The following CTTNBP2 variants were observed in gnomAD, a reference collection of about 807,000 sequenced individuals.
CTTNBP2 encodes cortactin binding protein 2, also known as cortactin-binding protein 2.
A neutral mutation model predicts 156.9 loss-of-function variants in CTTNBP2; 108 were observed. The observed-to-expected ratio is 0.69, with a 90% CI of 0.59 to 0.81. The LOEUF (loss-of-function observed/expected upper bound fraction) is 0.81, where lower values mean the gene tolerates loss of function less well. Ranked by LOEUF, CTTNBP2 falls within the 30% of genes least tolerant of loss-of-function variation. The pLI, the probability that CTTNBP2 is intolerant of heterozygous loss-of-function variation, is 0.00. For missense variants in CTTNBP2, 1,924 were observed against 2,035.4 expected (o/e 0.95, Z 1.05); for synonymous variants, 767 against 751.8 (o/e 1.02, Z -0.33).
chr7:117,797,131 T>TG (rs1420689068), intron 3 of CTTNBP2, among the ~76,000 whole-genome samples: 1 of 152,114 alleles, frequency 6.6e-6, no homozygotes, highest in Non-Finnish European at 1.5e-5. Flanking sequence ...ACTGGTGATA[T>TG]GGGCTTGAGG....
intron 3 of CTTNBP2, among the ~76,000 whole-genome samples, chr7:117,805,254 T>G (rs544459494): frequency 6.6e-6 from 1 of 152,228 alleles, no homozygotes; most frequent in East Asian, 1.9e-4. Context: ...CTTGAGGGAA[T>G]GACATAAAAA....
At chr7:117,781,307 C>T (rs1204386856) in intron 6 of CTTNBP2, among the ~76,000 whole-genome samples, 1 of 152,198 alleles carries the variant, frequency 6.6e-6, no homozygotes, top group Non-Finnish European at 1.5e-5. Flanking sequence ...AAATCATAAT[C>T]AAAGTAAGAA....
intron 16 of CTTNBP2, among the ~76,000 whole-genome samples, chr7:117,730,964 A>G (rs1024120758): frequency 2.0e-5 from 3 of 152,234 alleles, no homozygotes; most frequent in African/African-American, 7.2e-5. Context: ...TTCATATATT[A>G]GAATAGCTTC....
At chr7:117,841,625 ATAGT>A (rs1267516886) in intron 2 of CTTNBP2, among the ~76,000 whole-genome samples, 1 of 152,192 alleles carries the variant, frequency 6.6e-6, no homozygotes, top group Non-Finnish European at 1.5e-5. Context: ...CTCTCCAAAG[ATAGT>A]TAGTCTCAGA....
chr7:117,768,586 AAAG>A, intron 8 of CTTNBP2, among the ~76,000 whole-genome samples: 2 of 140,406 alleles, frequency 1.4e-5, no homozygotes, highest in African/African-American at 5.5e-5. Context: ...AAAAAAAAAG[AAAG>A]AAAGAAAGAA....
chr7:117,735,643 A>G (rs554953263), intron 14 of CTTNBP2, among the ~76,000 whole-genome samples: 1 of 152,386 alleles, frequency 6.6e-6, no homozygotes, highest in South Asian at 2.1e-4. Flanking sequence ...TTCTATAACA[A>G]GTCTCAAATG....
intron 2 of CTTNBP2, among the ~76,000 whole-genome samples, chr7:117,827,443 T>C (rs1294776524): frequency 6.6e-6 from 1 of 152,240 alleles, no homozygotes; most frequent in Non-Finnish European, 1.5e-5. Flanking sequence ...ATCATGTGTG[T>C]TTGTGTTTAA....
At chr7:117,859,778 C>T (rs1803586969) in intron 2 of CTTNBP2, among the ~76,000 whole-genome samples, 1 of 152,222 alleles carries the variant, frequency 6.6e-6, no homozygotes, top group Admixed American at 6.5e-5. Flanking sequence ...AAAGGCAACA[C>T]CTTCAACTCA....
At chr7:117,809,993 A>G (rs1038193351) in intron 3 of CTTNBP2, among the ~76,000 whole-genome samples, 37 of 152,360 alleles carry the variant, frequency 2.4e-4, no homozygotes, top group African/African-American at 8.7e-4. Flanking sequence ...TCTTGGCAGC[A>G]TATTAGAAGG....
rs143875151 is a variant in CTTNBP2, at chr7:117,791,470, C to T, written c.1726G>A (p.Gly576Arg). 46 of 1,614,060 alleles carry T rather than the reference C, an allele frequency of 2.8e-5. No homozygotes were observed. The African/African-American group carries it at 5.2e-4, about 18-fold the overall frequency. The change falls in exon 4 of 23, where the codon GGG (glycine) becomes AGG (arginine). Residue 576 changes from glycine to arginine, a missense_variant. Gly to Arg is a moderately radical substitution (Grantham distance 125). Coordinates refer to ENST00000160373, the MANE Select transcript of CTTNBP2 (RefSeq NM_033427.3). ...ACAGTTTTGTTATCAACTTTGGCCC[C>T]TGTGTTCGAGGCCCTGCTGCTGTCT... Reference protein sequence around the residue: ...IIDSSRASNTGAKVDNKTVAS... With the variant: ...IIDSSRASNTRAKVDNKTVAS...
intron 14 of CTTNBP2, among the ~76,000 whole-genome samples, chr7:117,743,456 T>C (rs1484878602): frequency 6.6e-6 from 1 of 152,076 alleles, no homozygotes; most frequent in Non-Finnish European, 1.5e-5. Context: ...TGCTGTGGGA[T>C]CTTTGAGTAG....
chr7:117,870,229 T>A (rs1057379092), intron 1 of CTTNBP2, among the ~76,000 whole-genome samples: 8 of 152,246 alleles, frequency 5.3e-5, no homozygotes, highest in African/African-American at 1.9e-4. Flanking sequence ...AAGATCATAC[T>A]CATGATGCCT....
At position 117,791,158 on chromosome 7, in the gene CTTNBP2, C is replaced by T; in HGVS notation, c.2038G>A (p.Ala680Thr). The T allele has an allele frequency of 1.9e-6, 3 of 1,614,066 alleles. No homozygotes were observed. The highest frequency in any genetic ancestry group is 1.7e-6 in the Non-Finnish European group (2 of 1,179,978). Residue 680 changes from alanine (A) to threonine (T), a missense_variant, in exon 4 of 23, where the codon GCC (alanine) becomes ACC (threonine). Physicochemically the swap from Ala to Thr is moderately conservative, Grantham distance 58. Transcript: ENST00000160373. The stretch of plus-strand genomic sequence containing the variant: ...GCTGTTACCAGGAGGCTGTCTGAGG[C>T]ACCTGGTCTACAGGATGAGGCACTA... ...PVSASSCRPGASDSLLVTASG... is the reference protein window; with the variant it reads ...PVSASSCRPGTSDSLLVTASG...
In CTTNBP2 at chr7:117,710,805, C is replaced by A. The variant is rs1330101070; in HGVS notation, c.*732G>T. On this transcript the variant is annotated 3_prime_UTR_variant, in exon 23 of 23. Transcript: ENST00000160373. The stretch of plus-strand genomic sequence containing the variant: ...TGAAGGAGTTAATTCTGAATTTATT[C>A]ATTTATGCAGTTATCTATATCCACT... 1 of 152,468 alleles carries A rather than the reference C, an allele frequency of 6.6e-6. No homozygotes were observed. The highest frequency in any genetic ancestry group is 1.5e-5 in the Non-Finnish European group (1 of 67,970). 9.4% of individuals were successfully genotyped at this position (152,468 alleles called of 1,614,324 possible).
At position 117,734,904 on chromosome 7, in the gene CTTNBP2, G is replaced by C; in HGVS notation, c.3876+9C>G. ...CTCCTGGCAACAGGCTGCACTTGCT[G>C]TTTGTTACCTTATTCACAACTTTCC... On this transcript the variant is annotated intron_variant, in intron 16 of 22. Coordinates refer to ENST00000160373, the MANE Select transcript of CTTNBP2 (RefSeq NM_033427.3). 1 of 1,578,930 alleles carries C rather than the reference G, an allele frequency of 6.3e-7. No individual in the cohort carries two copies. Among genetic ancestry groups the C allele is most frequent in the African/African-American group, 1.4e-5 (1 of 74,052 alleles).
At chr7:117,806,016 T>C (rs751842520) in intron 3 of CTTNBP2, among the ~76,000 whole-genome samples, 48 of 152,194 alleles carry the variant, frequency 3.2e-4, no homozygotes, top group Admixed American at 1.4e-3. Context: ...ACAGTATACA[T>C]AAATTATGGA....
At chr7:117,819,383 A>T (rs573393803) in intron 2 of CTTNBP2, among the ~76,000 whole-genome samples, 3,003 of 144,748 alleles carry the variant, frequency 0.021, 151 homozygotes, top group African/African-American at 0.075. Flanking sequence ...ACACACACAC[A>T]CACACACACA....
In CTTNBP2 at chr7:117,717,362, T is replaced by C. The variant is rs1278881823; in HGVS notation, c.4746+656A>G. Among the ~76,000 whole-genome samples, 3 of 151,788 alleles carry C rather than the reference T, an allele frequency of 2.0e-5. No individual in the cohort carries two copies. The East Asian group carries it at 6.1e-4, about 31-fold the overall frequency. On this transcript the variant is annotated intron_variant, in intron 22 of 22. Coordinates refer to ENST00000160373, the MANE Select transcript of CTTNBP2 (RefSeq NM_033427.3). ...ATGTATAAGACCTTTATGTTATCACTCAGTGCTTTGTTTTGTTATAATTAA... is the reference window on the plus strand; with the variant it reads ...ATGTATAAGACCTTTATGTTATCACCCAGTGCTTTGTTTTGTTATAATTAA...
chr7:117,736,772 G>A (rs779309369), intron 14 of CTTNBP2, among the ~76,000 whole-genome samples: 1 of 152,054 alleles, frequency 6.6e-6, no homozygotes, highest in African/African-American at 2.4e-5. Flanking sequence ...ATTCTATATG[G>A]CACTTCCCAT....
Sources: allele counts gnomAD v4.1 joint callset (sites outside exome capture counted in the v4.1 genomes callset), GRCh38; gene constraint gnomAD v4.1.1; transcripts MANE v1.5; gene names NCBI Gene and HGNC (gene_info 2026-07-23, HGNC 2026-07-21).